PHACTR1: variants seen among roughly 807,000 people sequenced by gnomAD.
PHACTR1 encodes the protein phosphatase and actin regulator 1, also known as RPEL repeat containing 1.
A neutral mutation model predicts 69.2 loss-of-function variants in PHACTR1; 16 were observed. The ratio of observed to expected loss-of-function variants is 0.23; its 90% CI spans 0.16 to 0.35. The LOEUF (loss-of-function observed/expected upper bound fraction) is 0.35. Ranked by LOEUF, PHACTR1 falls within the 10% of genes least tolerant of loss-of-function variation. PHACTR1 has a pLI of 1.00. For synonymous variants in PHACTR1, 312 were observed against 284.5 expected (o/e 1.10, Z -0.97); for missense variants, 510 against 734.7 (o/e 0.69, Z 3.54).
At position 12,917,054 on chromosome 6, in the gene PHACTR1, G is replaced by A. The variant is rs72820830; in HGVS notation, c.251-136311G>A. On this transcript the variant is annotated intron_variant, in intron 4 of 14. Transcript: ENST00000332995. ...TTTTAAGGTTGGTTGTAGCAGAGGTGAGCTGTGATTATAACTGTGGCTTCC... is the reference window on the plus strand; with the variant it reads ...TTTTAAGGTTGGTTGTAGCAGAGGTAAGCTGTGATTATAACTGTGGCTTCC... 1.3e-3 allele frequency among the ~76,000 whole-genome samples: 204 copies of A among 152,328 alleles called. 1 individual carries two copies. The highest frequency in any genetic ancestry group is 2.2e-3 in the Admixed American group (33 of 15,312).
intron 5 of PHACTR1, among the ~76,000 whole-genome samples, chr6:13,095,846 T>A (rs1465614252): frequency 6.9e-6 from 1 of 145,626 alleles, no homozygotes; most frequent in East Asian, 2.2e-4. Flanking sequence ...TTTGACCCAT[T>A]GGCTTATCAC....
intron 4 of PHACTR1, among the ~76,000 whole-genome samples, chr6:12,802,676 A>G (rs1204882963): frequency 6.6e-6 from 1 of 152,228 alleles, no homozygotes; most frequent in Non-Finnish European, 1.5e-5. Flanking sequence ...TACAAGATAC[A>G]TTCTGATTTC....
chr6:12,984,206 CTGT>C (rs1285615664), intron 4 of PHACTR1, among the ~76,000 whole-genome samples: 2 of 152,186 alleles, frequency 1.3e-5, no homozygotes, highest in African/African-American at 4.8e-5. Context: ...TCTCCAGCAC[CTGT>C]TGTTTCCTGA....
chr6:13,286,963 C>A, intron 14 of PHACTR1, 100 bp from the exon 15 acceptor site: 2 of 1,318,438 alleles, frequency 1.5e-6, no homozygotes, highest in Non-Finnish European at 2.1e-6. Context: ...TCGCACCTCC[C>A]TCTCACGGTC....
At chr6:13,200,088 A>T (rs1274573638) in intron 7 of PHACTR1, among the ~76,000 whole-genome samples, 1 of 152,222 alleles carries the variant, frequency 6.6e-6, no homozygotes, top group Non-Finnish European at 1.5e-5. Flanking sequence ...CAGATGCTGG[A>T]TGGAACTGAT....
At chr6:13,068,004 T>A (rs191076508) in intron 5 of PHACTR1, among the ~76,000 whole-genome samples, 1 of 152,274 alleles carries the variant, frequency 6.6e-6, no homozygotes, top group African/African-American at 2.4e-5. Context: ...AGTTCCTTCA[T>A]CTTTAACATA....
chr6:12,811,647 G>T (rs1219810494), intron 4 of PHACTR1, among the ~76,000 whole-genome samples: 1 of 152,180 alleles, frequency 6.6e-6, no homozygotes, highest in African/African-American at 2.4e-5. Context: ...GTTTGAGGCT[G>T]TTAGCCCAAA....
intron 4 of PHACTR1, among the ~76,000 whole-genome samples, chr6:13,035,166 C>T (rs1803126601): frequency 6.6e-6 from 1 of 152,182 alleles, no homozygotes; most frequent in African/African-American, 2.4e-5. Flanking sequence ...ATTCCCTAGA[C>T]AAAAATTAAT....
chr6:13,206,188 G>C (rs1415672774), intron 8 of PHACTR1, 52 bp downstream of exon 8: 1 of 1,460,316 alleles, frequency 6.8e-7, no homozygotes, highest in African/African-American at 1.4e-5. Flanking sequence ...TGGCTGGGGA[G>C]GGGGGCCTAG....
At chr6:13,023,223 T>A (rs373874292) in intron 4 of PHACTR1, among the ~76,000 whole-genome samples, 1 of 152,094 alleles carries the variant, frequency 6.6e-6, no homozygotes, top group Admixed American at 6.5e-5. Context: ...AAAATGAAAA[T>A]CAGCCTACAA....
intron 4 of PHACTR1, among the ~76,000 whole-genome samples, chr6:12,814,934 G>C (rs915968759): frequency 6.6e-6 from 1 of 152,154 alleles, no homozygotes; most frequent in African/African-American, 2.4e-5. Flanking sequence ...AGTGAATTGA[G>C]CACAGTTGCA....
chr6:12,917,819 G>A (rs551911173), intron 4 of PHACTR1, among the ~76,000 whole-genome samples: 87 of 152,026 alleles, frequency 5.7e-4, no homozygotes, highest in African/African-American at 1.7e-3. Flanking sequence ...GGTGAATATC[G>A]CCCCTCATGT....
At chr6:13,167,683 T>A (rs1012761906) in intron 6 of PHACTR1, among the ~76,000 whole-genome samples, 1 of 152,200 alleles carries the variant, frequency 6.6e-6, no homozygotes, top group Admixed American at 6.5e-5. Flanking sequence ...TTCCATTGTG[T>A]GCTGGAAATT....
chr6:13,008,345 C>A (rs1799058554), intron 4 of PHACTR1, among the ~76,000 whole-genome samples: 1 of 152,184 alleles, frequency 6.6e-6, no homozygotes, highest in African/African-American at 2.4e-5. Context: ...AATATTCAAT[C>A]TGTTGGAATA....
chr6:12,910,706 A>C (rs928134854), intron 4 of PHACTR1, among the ~76,000 whole-genome samples: 1 of 152,184 alleles, frequency 6.6e-6, no homozygotes, highest in Admixed American at 6.5e-5. Flanking sequence ...CACTATGAGC[A>C]GGCCATTCTC....
intron 4 of PHACTR1, among the ~76,000 whole-genome samples, chr6:12,814,975 T>C (rs1775421500): frequency 6.6e-6 from 1 of 152,212 alleles, no homozygotes; most frequent in African/African-American, 2.4e-5. Context: ...AAGACTAATT[T>C]TGAGCTTCAG....
At chr6:12,739,641 C>T (rs764375523) in intron 3 of PHACTR1, among the ~76,000 whole-genome samples, 14 of 152,090 alleles carry the variant, frequency 9.2e-5, no homozygotes, top group Admixed American at 2.6e-4. Context: ...TTGGTACAAG[C>T]GATCCTCCCG....
At chr6:12,985,687 T>C (rs1376638483) in intron 4 of PHACTR1, among the ~76,000 whole-genome samples, 1 of 151,666 alleles carries the variant, frequency 6.6e-6, no homozygotes, top group Non-Finnish European at 1.5e-5. Context: ...GATAAATTAA[T>C]TATGGTGTAA....
intron 3 of PHACTR1, among the ~76,000 whole-genome samples, chr6:12,735,672 G>A (rs1024710153): frequency 6.6e-6 from 1 of 152,196 alleles, no homozygotes; most frequent in African/African-American, 2.4e-5. Context: ...CAGGCAATAA[G>A]AAAAGCTAGG....
Sources: gnomAD v4.1 joint callset for allele counts (sites outside exome capture counted in the v4.1 genomes callset) on GRCh38, gnomAD v4.1.1 for gene constraint, MANE v1.5 for transcripts, NCBI Gene and HGNC (gene_info 2026-07-23, HGNC 2026-07-21) for gene names.